Variants in GAN observed in about 807,000 individuals in gnomAD.
GAN encodes the protein gigaxonin.
A neutral mutation model predicts 71.3 loss-of-function variants in GAN; 48 were observed. The observed-to-expected ratio is 0.67, with a 90% confidence interval of 0.53 to 0.86. The LOEUF is 0.86. GAN is among the 40% of genes least tolerant of loss of function. The probability of loss-of-function intolerance (pLI) is 0.00; values close to 1 mark genes in which losing one functional copy is unlikely to be tolerated. For missense variants in GAN, 928 were observed against 770.1 expected (o/e 1.21, Z -2.43); for synonymous variants, 386 against 276.8 (o/e 1.39, Z -3.92).
intron 1 of GAN, among the ~76,000 whole-genome samples, chr16:81,338,008 G>A (rs891599581): frequency 2.6e-5 from 4 of 152,188 alleles, no homozygotes; most frequent in Admixed American, 6.5e-5. Flanking sequence ...GCTCAGTCAA[G>A]AAATATTCAG....
chr16:81,320,332 G>C (rs572562453), intron 1 of GAN, among the ~76,000 whole-genome samples: 2 of 152,306 alleles, frequency 1.3e-5, no homozygotes, highest in Middle Eastern at 3.4e-3. Context: ...TGTGTGCAGA[G>C]CCTGCTTTTC....
At chr16:81,376,816 G>T (rs1904283031) in intron 9 of GAN, among the ~76,000 whole-genome samples, 1 of 152,078 alleles carries the variant, frequency 6.6e-6, no homozygotes, top group Non-Finnish European at 1.5e-5. Flanking sequence ...GGTTGAGGCT[G>T]CAGTGAACCA....
rs1009633717 is a variant in GAN at position 81,381,076 on chromosome 16, G to A, written c.*3480G>A. ...GTCATTTTTATAATTTATGAGTTGG[G>A]GGGATTCCCTAGTCAATGCATAGGA... On this transcript the variant is annotated 3_prime_UTR_variant, in exon 11 of 11. Transcript: ENST00000648994. 8 of 152,130 alleles carry A rather than the reference G, an allele frequency of 5.3e-5. No homozygotes were observed. Among genetic ancestry groups the A allele is most frequent in the African/African-American group, 1.9e-4 (8 of 41,414 alleles). The allele number at this position is 152,130 out of a possible 1,614,324, so 9.4% of individuals were successfully genotyped here.
At chr16:81,360,743 G>C (rs76760639) in intron 5 of GAN, among the ~76,000 whole-genome samples, 3,686 of 151,388 alleles carry the variant, frequency 0.024, 94 homozygotes, top group East Asian at 0.12. Flanking sequence ...AATTATCTTT[G>C]TTTTTTAAAT....
chr16:81,337,566 T>C (rs897181075), intron 1 of GAN, among the ~76,000 whole-genome samples: 49 of 152,200 alleles, frequency 3.2e-4, no homozygotes, highest in African/African-American at 1.2e-3. Flanking sequence ...ACAGTGAACT[T>C]TTCCAGCATT....
At position 81,341,986 on chromosome 16, in the gene GAN, G is replaced by A. The variant is rs557226832; in HGVS notation, c.168-9597G>A. ...AGAAGAAGCAGGGGTTGCAATCCTT[G>A]TCTCTGATAAAACAGACTTTAAACC... On this transcript the variant is annotated intron_variant, in intron 1 of 10. Transcript: ENST00000648994. Among the ~76,000 whole-genome samples the A allele has an allele frequency of 2.6e-5, 4 of 152,296 alleles. No homozygotes were observed. In the South Asian group the frequency reaches 6.2e-4, roughly 24 times the overall value.
rs1317279949 is a variant in GAN at position 81,383,438 on chromosome 16, G to C, written c.*5842G>C. 6.6e-6 allele frequency: 1 copy of C among 151,134 alleles called. No homozygotes were observed. The highest frequency in any genetic ancestry group is 1.5e-5 in the Non-Finnish European group (1 of 67,806). The allele number at this position is 151,134 out of a possible 1,614,324, so 9.4% of individuals were successfully genotyped here. On this transcript the variant is annotated 3_prime_UTR_variant, in exon 11 of 11. Coordinates refer to ENST00000648994, the MANE Select transcript of GAN (RefSeq NM_022041.4). ...CGGCGAATTTTTTGTGTTTTTAGTA[G>C]AGACGGGGTTTCACCATGTTAGCCA...
intron 1 of GAN, among the ~76,000 whole-genome samples, chr16:81,327,465 A>G (rs970698291): frequency 1.3e-5 from 2 of 152,192 alleles, no homozygotes; most frequent in Non-Finnish European, 2.9e-5. Context: ...CTTTCCTAAA[A>G]AAGGAAAAAG....
chr16:81,315,020 C>CCGGG lies in GAN; in HGVS notation c.-87_-84dup, dbSNP rs1347258837. ...TCTGCTCAGAGCGCGGAGAGCCGGG[C>CCGGG]CGGGCGGGCGCGCGCGCAGGACTCG... On this transcript the variant is annotated 5_prime_UTR_variant, in exon 1 of 11. Transcript: ENST00000648994. The CCGGG allele has an allele frequency of 3.9e-5, 42 of 1,087,792 alleles. No individual in the cohort carries two copies. Among genetic ancestry groups the CCGGG allele is most frequent in the Non-Finnish European group, 5.0e-5 (41 of 823,900 alleles). 67.4% of individuals were successfully genotyped at this position (1,087,792 alleles called of 1,614,324 possible). A position where few individuals can be genotyped will look rare whatever the true frequency, so the allele number is the denominator to read the frequency against.
chr16:81,315,248 G>A lies in GAN; in HGVS notation c.135G>A (p.Lys45=), dbSNP rs1234532026. The change falls in exon 1 of 11, where the codon AAG becomes AAA. Residue 45 remains lysine (K), a synonymous_variant. Coordinates refer to ENST00000648994, the MANE Select transcript of GAN (RefSeq NM_022041.4). ...VLDGEEIPVQ[K]NILAAASPYI... is the part of the protein sequence containing the mutation. Reference sequence around the variant, plus strand: ...ACGGGGAGGAGATCCCGGTGCAGAAGAACATCCTGGCGGCGGCCAGCCCGT... The same window carrying A: ...ACGGGGAGGAGATCCCGGTGCAGAAAAACATCCTGGCGGCGGCCAGCCCGT... 1.1e-5 allele frequency: 17 copies of A among 1,574,374 alleles called. No individual in the cohort carries two copies. Among genetic ancestry groups the A allele is most frequent in the Admixed American group, 1.8e-5 (1 of 56,218 alleles).
chr16:81,376,591 A>G (rs1349288080), intron 9 of GAN, among the ~76,000 whole-genome samples: 1 of 150,548 alleles, frequency 6.6e-6, no homozygotes, highest in Admixed American at 6.7e-5. Flanking sequence ...ATATGTATGT[A>G]TAAGTATATA....
intron 1 of GAN, among the ~76,000 whole-genome samples, chr16:81,343,207 A>T (rs777138269): frequency 6.6e-6 from 1 of 152,244 alleles, no homozygotes; most frequent in African/African-American, 2.4e-5. Context: ...AGGAGCTGGT[A>T]CCATTCCTTC....
chr16:81,359,028 C>T (rs1341922031), intron 5 of GAN, among the ~76,000 whole-genome samples: 3 of 152,184 alleles, frequency 2.0e-5, no homozygotes, highest in African/African-American at 7.2e-5. Flanking sequence ...TACTGTACCA[C>T]AGTGCATCAT....
intron 1 of GAN, among the ~76,000 whole-genome samples, chr16:81,333,700 G>T (rs1459680567): frequency 6.6e-6 from 1 of 152,206 alleles, no homozygotes; most frequent in Non-Finnish European, 1.5e-5. Flanking sequence ...CTACCAACTA[G>T]TTGAGATCTT....
chr16:81,337,524 A>G (rs546058001), intron 1 of GAN, among the ~76,000 whole-genome samples: 7 of 152,256 alleles, frequency 4.6e-5, no homozygotes, highest in South Asian at 4.1e-4. Flanking sequence ...GACCAGGCCT[A>G]TTACCTGGGT....
chr16:81,376,889 A>G (rs1258208344), intron 9 of GAN, among the ~76,000 whole-genome samples: 1 of 152,200 alleles, frequency 6.6e-6, no homozygotes, highest in Non-Finnish European at 1.5e-5. Context: ...GTACATCCGT[A>G]TGATGGAGTA....
chr16:81,326,498 G>A (rs574296635), intron 1 of GAN, among the ~76,000 whole-genome samples: 40 of 152,236 alleles, frequency 2.6e-4, no homozygotes, highest in African/African-American at 8.4e-4. Flanking sequence ...GCGCCATTGC[G>A]CTCTAGCCTG....
At position 81,386,260 on chromosome 16, in the gene GAN, A is replaced by G. The variant is rs550052141; in HGVS notation, c.*8664A>G. The G allele has an allele frequency of 2.6e-5, 4 of 152,118 alleles. No individual in the cohort carries two copies. Among genetic ancestry groups the G allele is most frequent in the African/African-American group, 7.2e-5 (3 of 41,506 alleles). 9.4% of individuals were successfully genotyped at this position (152,118 alleles called of 1,614,324 possible). A position where few individuals can be genotyped will look rare whatever the true frequency, so the allele number is the denominator to read the frequency against. ...TAAAGTTGAATTTTCCTTTTTTTTC[A>G]TTGAAATAGCAAAGGTAGTAATCTG... On this transcript the variant is annotated 3_prime_UTR_variant, in exon 11 of 11. Transcript: ENST00000648994.
chr16:81,367,245 A>G (rs772918092), intron 9 of GAN, among the ~76,000 whole-genome samples: 1 of 152,160 alleles, frequency 6.6e-6, no homozygotes, highest in Non-Finnish European at 1.5e-5. Flanking sequence ...ACTTCTCGCC[A>G]GGTGCACTGG....
Sources: gnomAD v4.1 joint callset for allele counts (sites outside exome capture counted in the v4.1 genomes callset) on GRCh38, gnomAD v4.1.1 for gene constraint, MANE v1.5 for transcripts, NCBI Gene and HGNC (gene_info 2026-07-23, HGNC 2026-07-21) for gene names.